The following ASXL3 variants were observed in gnomAD, a reference collection of about 807,000 sequenced individuals.
The protein encoded by ASXL3 is ASXL transcriptional regulator 3, also known as putative Polycomb group protein ASXL3.
Under a neutral mutation model 170.6 loss-of-function variants are expected in ASXL3, and 34 were observed. The observed-to-expected ratio is 0.20, with a 90% confidence interval of 0.15 to 0.27. ASXL3 has a LOEUF of 0.27. Ranked by LOEUF, ASXL3 falls within the 10% of genes least tolerant of loss-of-function variation. The probability of loss-of-function intolerance (pLI) is 1.00; values close to 1 mark genes in which losing one functional copy is unlikely to be tolerated. For missense variants in ASXL3, 2,592 were observed against 2,695.3 expected (o/e 0.96, Z 0.85); for synonymous variants, 1,002 against 989.1 (o/e 1.01, Z -0.24).
chr18:33,748,372 C>T lies in ASXL3; in HGVS notation c.*1777C>T, dbSNP rs1445253556. 3 of 152,046 alleles carry T rather than the reference C, an allele frequency of 2.0e-5. No homozygotes were observed. Among genetic ancestry groups the T allele is most frequent in the African/African-American group, 7.2e-5 (3 of 41,382 alleles). The allele number at this position is 152,046 out of a possible 1,614,324, so 9.4% of individuals were successfully genotyped here. On this transcript the variant is annotated 3_prime_UTR_variant, in exon 12 of 12. Coordinates refer to ENST00000269197, the MANE Select transcript of ASXL3 (RefSeq NM_030632.3). The stretch of plus-strand genomic sequence containing the variant: ...TTCTTTCTTTAGGTGATAGAGACAT[C>T]ATTTCGAATAACAAATTGCTGATAG...
intron 9 of ASXL3, among the ~76,000 whole-genome samples, chr18:33,733,735 C>T (rs1464527525): frequency 6.6e-6 from 1 of 152,104 alleles, no homozygotes; most frequent in African/African-American, 2.4e-5. Flanking sequence ...GTTTTACTCA[C>T]AATTGGCCAC....
chr18:33,617,151 T>C (rs1302452662), intron 2 of ASXL3, among the ~76,000 whole-genome samples: 2 of 152,210 alleles, frequency 1.3e-5, no homozygotes, highest in Admixed American at 1.3e-4. Context: ...ATATGTGTTT[T>C]CATATGTTAT....
At chr18:33,717,453 A>G (rs1406569650) in intron 8 of ASXL3, among the ~76,000 whole-genome samples, 5 of 152,282 alleles carry the variant, frequency 3.3e-5, no homozygotes, top group Middle Eastern at 3.4e-3. Context: ...ATTTGCATTT[A>G]TTATTTCTAG....
intron 2 of ASXL3, among the ~76,000 whole-genome samples, chr18:33,623,563 A>G (rs531100180): frequency 6.6e-6 from 1 of 152,284 alleles, no homozygotes; most frequent in South Asian, 2.1e-4. Context: ...TAAGATATTT[A>G]GTTTATGAGA....
rs747352135 is a variant in ASXL3 at position 33,746,333 on chromosome 18, C to T, written c.6485C>T (p.Thr2162Met). ...GNYPTIHFGS[T>M]SFKRAASAIE... The stretch of plus-strand genomic sequence containing the variant: ...TATCCAACAATACACTTTGGTAGCA[C>T]GAGTTTCAAAAGGGCAGCATCTGCA... The change falls in exon 12 of 12, where the codon ACG (threonine) becomes ATG (methionine). Residue 2162 changes from threonine (T) to methionine (M), a missense_variant. Physicochemically the swap from Thr to Met is moderately conservative, Grantham distance 81. Around this residue, in one of 4 missense-constraint regions of ASXL3, gnomAD observed 2,246 missense variants for 2,219.6 expected, o/e 1.01. Transcript: ENST00000269197. The T allele has an allele frequency of 1.1e-5, 18 of 1,613,818 alleles. No individual in the cohort carries two copies. Among genetic ancestry groups the T allele is most frequent in the Non-Finnish European group, 1.5e-5 (18 of 1,179,878 alleles).
At chr18:33,629,313 A>G (rs1420325690) in intron 2 of ASXL3, among the ~76,000 whole-genome samples, 2 of 152,140 alleles carry the variant, frequency 1.3e-5, no homozygotes, top group Admixed American at 1.3e-4. Context: ...GGCAATATAA[A>G]AGACCAAGAA....
intron 8 of ASXL3, among the ~76,000 whole-genome samples, chr18:33,689,132 A>G (rs539131948): frequency 2.0e-4 from 30 of 152,038 alleles, no homozygotes; most frequent in African/African-American, 6.7e-4. Flanking sequence ...TAGCTAGACT[A>G]TGGCTGCCTG....
chr18:33,578,514 T>TC lies in ASXL3; in HGVS notation c.-112dup. The TC allele has an allele frequency of 2.5e-6, 1 of 394,494 alleles. No homozygotes were observed. Among genetic ancestry groups the TC allele is most frequent in the Non-Finnish European group, 3.4e-6 (1 of 290,900 alleles). The allele number at this position is 394,494 out of a possible 1,614,324, so 24.4% of individuals were successfully genotyped here. ...CCGCCGCCGCCACCGCCCGCGCGCC[T>TC]CCCCCCGCGGAGCGAGTGCGGGTCA... On this transcript the variant is annotated 5_prime_UTR_variant, in exon 1 of 12. Transcript: ENST00000269197.
chr18:33,744,526 C>G lies in ASXL3; in HGVS notation c.4678C>G (p.Arg1560Gly), dbSNP rs199978752. 3 of 1,612,100 alleles carry G rather than the reference C, an allele frequency of 1.9e-6. No homozygotes were observed. The highest frequency in any genetic ancestry group is 2.7e-5 in the African/African-American group (2 of 75,034). Residue 1560 changes from arginine to glycine, a missense_variant, in exon 12 of 12, where the codon CGA becomes GGA. Arg to Gly is a moderately radical substitution (Grantham distance 125). This residue lies in a region of ASXL3 where 2,246 missense variants were observed against 2,219.6 expected (regional missense o/e 1.01). Coordinates refer to ENST00000269197, the MANE Select transcript of ASXL3 (RefSeq NM_030632.3). ...KTLPATCTSL[R>G]ELPLVPDKLN... ...ATTGCCGGCCACCTGCACAAGTCTCCGAGAATTACCCCTTGTTCCAGATAA... is the reference window on the plus strand; with the variant it reads ...ATTGCCGGCCACCTGCACAAGTCTCGGAGAATTACCCCTTGTTCCAGATAA...
chr18:33,582,387 A>T (rs1016136917), intron 1 of ASXL3, among the ~76,000 whole-genome samples: 6 of 152,140 alleles, frequency 3.9e-5, no homozygotes, highest in African/African-American at 1.2e-4. Flanking sequence ...CACAGAACAT[A>T]CTGTTATTTA....
intron 7 of ASXL3, among the ~76,000 whole-genome samples, chr18:33,681,434 T>C (rs2066513242): frequency 6.6e-6 from 1 of 152,144 alleles, no homozygotes; most frequent in Non-Finnish European, 1.5e-5. Flanking sequence ...ATTGCTATAA[T>C]TGTCATTTTT....
chr18:33,625,134 TGGG>T (rs1362391051), intron 2 of ASXL3, among the ~76,000 whole-genome samples: 1 of 152,114 alleles, frequency 6.6e-6, no homozygotes, highest in Non-Finnish European at 1.5e-5. Flanking sequence ...TTGTATTCCT[TGGG>T]GGAATTTCTA....
chr18:33,597,274 GTATATGTACACCACAGACACTGGAA>G (rs2065136476), intron 1 of ASXL3, among the ~76,000 whole-genome samples: 1 of 151,936 alleles, frequency 6.6e-6, no homozygotes, highest in Non-Finnish European at 1.5e-5. Flanking sequence ...TGGTGTACAT[GTATATGTACACCACAGACACTGGAA>G]TATATGCGTC....
chr18:33,616,326 C>T (rs28702385), intron 2 of ASXL3, among the ~76,000 whole-genome samples: 22 of 151,904 alleles, frequency 1.4e-4, no homozygotes, highest in African/African-American at 5.3e-4. Context: ...TGTGAAATGT[C>T]CCGTTATTTT....
chr18:33,724,122 GA>G (rs2067306808), intron 8 of ASXL3, among the ~76,000 whole-genome samples: 1 of 151,988 alleles, frequency 6.6e-6, no homozygotes, highest in South Asian at 2.1e-4. Flanking sequence ...TCGTAGTTTG[GA>G]ACTGAATTTG....
intron 1 of ASXL3, among the ~76,000 whole-genome samples, chr18:33,607,097 C>G (rs2065260798): frequency 6.6e-6 from 1 of 151,926 alleles, no homozygotes. Context: ...GGAAAACACA[C>G]TGTAATGAGT....
chr18:33,648,862 A>G (rs746047201), intron 4 of ASXL3, among the ~76,000 whole-genome samples: 20 of 152,102 alleles, frequency 1.3e-4, no homozygotes, highest in Non-Finnish European at 2.4e-4. Context: ...AAATGTGTCA[A>G]TGCTTTTGAA....
At chr18:33,621,112 A>G (rs1461476942) in intron 2 of ASXL3, among the ~76,000 whole-genome samples, 1 of 152,262 alleles carries the variant, frequency 6.6e-6, no homozygotes. Flanking sequence ...TTATCTGAGA[A>G]TTATATTTTG....
intron 2 of ASXL3, among the ~76,000 whole-genome samples, chr18:33,629,639 GT>G (rs2145169125): frequency 6.6e-6 from 1 of 151,754 alleles, no homozygotes; most frequent in Admixed American, 6.6e-5. Context: ...CTCCTTTTTC[GT>G]TATTGGAATT....
Sources: allele counts gnomAD v4.1 joint callset (sites outside exome capture counted in the v4.1 genomes callset), GRCh38; gene constraint gnomAD v4.1.1; regional missense constraint gnomAD v4.1.1; transcripts MANE v1.5; gene names NCBI Gene and HGNC (gene_info 2026-07-23, HGNC 2026-07-21).